Variants in CAMK1D observed in about 807,000 individuals in gnomAD.
CAMK1D encodes the protein calcium/calmodulin-dependent protein kinase type 1D.
A neutral mutation model predicts 47.7 loss-of-function variants in CAMK1D; 9 were observed. That is an observed-to-expected ratio of 0.19 (90% CI 0.11 to 0.33). CAMK1D has a LOEUF of 0.33. Among genes scored for constraint, CAMK1D ranks in the 10% least tolerant of loss-of-function variants. The pLI is 1.00. For missense variants in CAMK1D, 291 were observed against 488.7 expected (o/e 0.60, Z 3.81); for synonymous variants, 184 against 184.9 (o/e 0.99, Z 0.04).
chr10:12,719,085 G>A (rs1834268529), intron 3 of CAMK1D, among the ~76,000 whole-genome samples: 1 of 152,142 alleles, frequency 6.6e-6, no homozygotes, highest in African/African-American at 2.4e-5. Flanking sequence ...ATTTTTGACC[G>A]AAGGTTCTCA....
intron 1 of CAMK1D, among the ~76,000 whole-genome samples, chr10:12,392,819 G>A (rs1490995770): frequency 6.6e-6 from 1 of 151,966 alleles, no homozygotes; most frequent in Non-Finnish European, 1.5e-5. Flanking sequence ...CCAGGCCCAG[G>A]TAACCACCAT....
intron 1 of CAMK1D, among the ~76,000 whole-genome samples, chr10:12,527,862 A>C (rs1026898326): frequency 6.6e-6 from 1 of 152,220 alleles, no homozygotes; most frequent in Non-Finnish European, 1.5e-5. Context: ...AGTGGGCGGC[A>C]TGGGTTAGTG....
chr10:12,695,950 C>T (rs112021733), intron 3 of CAMK1D, among the ~76,000 whole-genome samples: 1 of 151,790 alleles, frequency 6.6e-6, no homozygotes, highest in African/African-American at 2.4e-5. Flanking sequence ...TGGTGGCGGA[C>T]GCCTGTAGTC....
chr10:12,715,584 G>A lies in CAMK1D; in HGVS notation c.300-45364G>A, dbSNP rs58742471. ...AAAATCTAGCTTTTGCATACAAAAC[G>A]TGATGTCACCTTTTATGTTATGTGA... On this transcript the variant is annotated intron_variant, in intron 3 of 10. Coordinates refer to ENST00000619168, the MANE Select transcript of CAMK1D (RefSeq NM_153498.4). Among the ~76,000 whole-genome samples the A allele has an allele frequency of 9.5e-3, 1,441 of 152,122 alleles. 18 individuals are homozygous for A. The highest frequency in any genetic ancestry group is 0.033 in the African/African-American group (1,366 of 41,502).
intron 3 of CAMK1D, among the ~76,000 whole-genome samples, chr10:12,717,491 T>C (rs896900637): frequency 6.6e-6 from 1 of 152,058 alleles, no homozygotes; most frequent in Admixed American, 6.6e-5. Flanking sequence ...TTGGAAGTGG[T>C]CTTTTCTCCT....
At chr10:12,582,051 G>A (rs1044937050) in intron 2 of CAMK1D, among the ~76,000 whole-genome samples, 1 of 152,076 alleles carries the variant, frequency 6.6e-6, no homozygotes, top group African/African-American at 2.4e-5. Flanking sequence ...GATCCATCTT[G>A]AGTTGATTTT....
intron 1 of CAMK1D, among the ~76,000 whole-genome samples, chr10:12,407,193 C>G (rs1207753732): frequency 6.6e-6 from 1 of 152,232 alleles, no homozygotes; most frequent in Non-Finnish European, 1.5e-5. Context: ...TCCATGACTT[C>G]TTTCAGTCCA....
intron 2 of CAMK1D, among the ~76,000 whole-genome samples, chr10:12,629,996 G>A (rs879878056): frequency 1.3e-5 from 2 of 152,178 alleles, no homozygotes; most frequent in Non-Finnish European, 2.9e-5. Flanking sequence ...GGTCTGTTCC[G>A]GAGAGGCTGA....
chr10:12,366,999 C>G (rs890758435), intron 1 of CAMK1D, among the ~76,000 whole-genome samples: 2 of 152,014 alleles, frequency 1.3e-5, no homozygotes, highest in Non-Finnish European at 2.9e-5. Flanking sequence ...TCTCATGGTC[C>G]CCATCTCTAT....
At chr10:12,778,197 A>G (rs973940819) in intron 5 of CAMK1D, among the ~76,000 whole-genome samples, 2 of 152,246 alleles carry the variant, frequency 1.3e-5, no homozygotes, top group Non-Finnish European at 2.9e-5. Flanking sequence ...ATTCAGCTGA[A>G]TAGTTAATTC....
intron 2 of CAMK1D, among the ~76,000 whole-genome samples, chr10:12,553,671 T>A (rs974511039): frequency 3.3e-5 from 5 of 152,194 alleles, no homozygotes; most frequent in African/African-American, 9.6e-5. Context: ...GAGTCTTCTC[T>A]GTAAAATGGA....
intron 1 of CAMK1D, among the ~76,000 whole-genome samples, chr10:12,420,259 A>T (rs1239177967): frequency 6.6e-6 from 1 of 152,218 alleles, no homozygotes; most frequent in Non-Finnish European, 1.5e-5. Context: ...CGCCTGGCCC[A>T]TGTCTATGTA....
chr10:12,386,213 C>A (rs1838490207), intron 1 of CAMK1D, among the ~76,000 whole-genome samples: 1 of 152,092 alleles, frequency 6.6e-6, no homozygotes. Flanking sequence ...CCAAGGTGGA[C>A]CGATTGCTTG....
intron 1 of CAMK1D, among the ~76,000 whole-genome samples, chr10:12,350,370 G>A (rs1837318092): frequency 6.6e-6 from 1 of 152,244 alleles, no homozygotes; most frequent in Non-Finnish European, 1.5e-5. Context: ...GTATTTCTAT[G>A]GAATTGGCAT....
rs530110925 is a variant in CAMK1D at position 12,542,816 on chromosome 10, C to T, written c.93-10409C>T. Among the ~76,000 whole-genome samples the T allele has an allele frequency of 1.8e-3, 279 of 152,220 alleles. 4 individuals are homozygous for T. Among genetic ancestry groups the T allele is most frequent in the Non-Finnish European group, 2.3e-3 (158 of 68,016 alleles). The stretch of plus-strand genomic sequence containing the variant: ...GGAGTGCAGCAGTGTGAACTCAGCT[C>T]GCTGCAACAACCTCCGCCTCCCGGG... On this transcript the variant is annotated intron_variant, in intron 1 of 10. Coordinates refer to ENST00000619168, the MANE Select transcript of CAMK1D (RefSeq NM_153498.4).
At chr10:12,355,478 G>A (rs992237783) in intron 1 of CAMK1D, among the ~76,000 whole-genome samples, 27 of 151,276 alleles carry the variant, frequency 1.8e-4, no homozygotes, top group Admixed American at 3.3e-4. Context: ...GTGTGTGTGC[G>A]CGCGCGTGCG....
chr10:12,556,651 G>T (rs1333542874), intron 2 of CAMK1D, among the ~76,000 whole-genome samples: 1 of 152,186 alleles, frequency 6.6e-6, no homozygotes, highest in Non-Finnish European at 1.5e-5. Context: ...AGGGTTCAGG[G>T]GGAGGCCTGG....
At chr10:12,502,525 C>A (rs376155817) in intron 1 of CAMK1D, among the ~76,000 whole-genome samples, 4 of 152,280 alleles carry the variant, frequency 2.6e-5, no homozygotes, top group African/African-American at 9.6e-5. Flanking sequence ...CTCAGCAGCC[C>A]CGCAAGGCAG....
intron 1 of CAMK1D, among the ~76,000 whole-genome samples, chr10:12,505,178 G>C (rs1488701263): frequency 6.6e-6 from 1 of 152,178 alleles, no homozygotes; most frequent in African/African-American, 2.4e-5. Flanking sequence ...AGCAGTCTAA[G>C]AGAAAAGAGG....
Sources: allele counts gnomAD v4.1 joint callset (sites outside exome capture counted in the v4.1 genomes callset), GRCh38; gene constraint gnomAD v4.1.1; transcripts MANE v1.5; gene names NCBI Gene and HGNC (gene_info 2026-07-23, HGNC 2026-07-21).